VIPR2: variants seen among roughly 807,000 people sequenced by gnomAD.
VIPR2 encodes vasoactive intestinal polypeptide receptor 2.
A neutral mutation model predicts 58.0 loss-of-function variants in VIPR2; 48 were observed. The observed-to-expected ratio is 0.83, with a 90% CI of 0.66 to 1.05. The LOEUF (loss-of-function observed/expected upper bound fraction) is 1.05, where lower values mean the gene tolerates loss of function less well. VIPR2 is among the 50% of genes least tolerant of loss of function. The probability of loss-of-function intolerance (pLI) is 0.00; values close to 1 mark genes in which losing one functional copy is unlikely to be tolerated. For synonymous variants in VIPR2, 243 were observed against 235.2 expected (o/e 1.03, Z -0.30); for missense variants, 534 against 558.0 (o/e 0.96, Z 0.43).
At position 159,030,364 on chromosome 7, in the gene VIPR2, A is replaced by T. The variant is rs1454121586; in HGVS notation, c.*252T>A. The T allele has an allele frequency of 1.6e-5, 6 of 377,480 alleles. No individual in the cohort carries two copies. The highest frequency in any genetic ancestry group is 1.9e-5 in the Non-Finnish European group (4 of 215,122). The allele number at this position is 377,480 out of a possible 1,614,324, so 23.4% of individuals were successfully genotyped here. ...TCTCAAAAAAAAAAAAAAAAAAAAAAGTGGATCCACTATACGGCTGAAACA... is the reference window on the plus strand; with the variant it reads ...TCTCAAAAAAAAAAAAAAAAAAAAATGTGGATCCACTATACGGCTGAAACA... On this transcript the variant is annotated 3_prime_UTR_variant, in exon 13 of 13. Coordinates refer to ENST00000262178, the MANE Select transcript of VIPR2 (RefSeq NM_003382.5).
At chr7:159,043,219 G>T (rs1262647297) in intron 5 of VIPR2, 43 bp from the exon 6 acceptor site, 7 of 1,511,550 alleles carry the variant, frequency 4.6e-6, no homozygotes, top group Admixed American at 1.8e-5. Flanking sequence ...GAGGGGGAAG[G>T]GGAGGGAGGG....
At chr7:159,107,883 C>A (rs778741692) in intron 3 of VIPR2, among the ~76,000 whole-genome samples, 1 of 151,898 alleles carries the variant, frequency 6.6e-6, no homozygotes, top group Non-Finnish European at 1.5e-5. Context: ...GCCGGACACA[C>A]GTGATGATGC....
intron 4 of VIPR2, among the ~76,000 whole-genome samples, chr7:159,071,322 C>G (rs529480117): frequency 1.3e-5 from 2 of 152,234 alleles, no homozygotes; most frequent in East Asian, 3.8e-4. Flanking sequence ...CCAGAACCTT[C>G]CCCGGCTCAG....
chr7:159,084,379 G>A (rs967416028), intron 4 of VIPR2, among the ~76,000 whole-genome samples: 3 of 152,236 alleles, frequency 2.0e-5, no homozygotes, highest in East Asian at 3.8e-4. Flanking sequence ...GGGCAGTGCC[G>A]CCAGGTGAGA....
rs757327443 is a variant in VIPR2, at chr7:159,093,577, G to A, written c.357+10180C>T. 3.9e-5 allele frequency among the ~76,000 whole-genome samples: 6 copies of A among 152,226 alleles called. No individual in the cohort carries two copies. Among genetic ancestry groups the A allele is most frequent in the Admixed American group, 2.0e-4 (3 of 15,288 alleles). On this transcript the variant is annotated intron_variant, in intron 4 of 12. Coordinates refer to ENST00000262178, the MANE Select transcript of VIPR2 (RefSeq NM_003382.5). This position sits in a 1 kb window ranked among gnomAD's most constrained non-coding sequence, Gnocchi z 6.7. ...CCCTGGAGTCTGTCAGTGCAGAGCAGCGCTGGGCTCAGGATCCGAGATGGG... is the reference window on the plus strand; with the variant it reads ...CCCTGGAGTCTGTCAGTGCAGAGCAACGCTGGGCTCAGGATCCGAGATGGG...
chr7:159,131,714 T>C (rs1796921374), intron 2 of VIPR2, among the ~76,000 whole-genome samples: 1 of 152,212 alleles, frequency 6.6e-6, no homozygotes, highest in South Asian at 2.1e-4. Flanking sequence ...TTCATTGAAA[T>C]CCATGCCTAA....
Position 159,030,780 on chromosome 7 carries a change from C to A in VIPR2, c.1153G>T (p.Glu385Ter), listed in dbSNP as rs1165650942. The change falls in exon 13 of 13, where the codon GAG becomes TAG. Residue 385 changes from glutamate (E) to a stop codon, truncating the protein, a stop_gained. Coordinates refer to ENST00000262178, the MANE Select transcript of VIPR2 (RefSeq NM_003382.5). LOFTEE classifies it low-confidence loss of function (END_TRUNC). ...CGGCTTCGCCATTTTCGCTTCAGCTCGCACTGCACCTGGGAGGTGAGGGCA... is the reference window on the plus strand; with the variant it reads ...CGGCTTCGCCATTTTCGCTTCAGCTAGCACTGCACCTGGGAGGTGAGGGCA... Reference protein sequence around the residue: ...YCFLNSEVQCELKRKWRSRCP... With the variant: ...YCFLNSEVQC The A allele has an allele frequency of 1.3e-6, 2 of 1,591,646 alleles. No homozygotes were observed. Among genetic ancestry groups the A allele is most frequent in the East Asian group, 2.3e-5 (1 of 43,546 alleles).
Position 159,031,772 on chromosome 7 carries a change from CA to C in VIPR2, c.1143+55del. 6.2e-7 allele frequency: 1 copy of C among 1,612,830 alleles called. No individual in the cohort carries two copies. Among genetic ancestry groups the C allele is most frequent in the Non-Finnish European group, 8.5e-7 (1 of 1,179,872 alleles). ...GGGGCTGCGGCACCAGGCTGGGCAGCATCTCAGGAAGCAAGTGAGTACCTGT... is the reference window on the plus strand; with the variant it reads ...GGGGCTGCGGCACCAGGCTGGGCAGCTCTCAGGAAGCAAGTGAGTACCTGT... On this transcript the variant is annotated intron_variant, in intron 12 of 12. Coordinates refer to ENST00000262178, the MANE Select transcript of VIPR2 (RefSeq NM_003382.5). The surrounding 1 kb of genome is among the most constrained non-coding windows in gnomAD (Gnocchi z 4.0).
intron 5 of VIPR2, among the ~76,000 whole-genome samples, chr7:159,053,616 A>G (rs1443616494): frequency 6.6e-6 from 1 of 152,142 alleles, no homozygotes; most frequent in East Asian, 1.9e-4. Flanking sequence ...ATCACAGCTC[A>G]CTGCAGCCTC....
Position 159,034,983 on chromosome 7 carries a change from T to C in VIPR2, c.810-333A>G, listed in dbSNP as rs888618248. The stretch of plus-strand genomic sequence containing the variant: ...AATCAGGAGAAAAGAACCTTCCTCC[T>C]GAAAATTAGCTTCCCCTCACCTCCC... On this transcript the variant is annotated intron_variant, in intron 8 of 12. Coordinates refer to ENST00000262178, the MANE Select transcript of VIPR2 (RefSeq NM_003382.5). Among the ~76,000 whole-genome samples, 7 of 152,292 alleles carry C rather than the reference T, an allele frequency of 4.6e-5. No homozygotes were observed. In the South Asian group the frequency reaches 1.2e-3, roughly 27 times the overall value.
At chr7:159,063,046 C>T (rs1855804206) in intron 4 of VIPR2, among the ~76,000 whole-genome samples, 1 of 152,224 alleles carries the variant, frequency 6.6e-6, no homozygotes, top group Non-Finnish European at 1.5e-5. Flanking sequence ...AAAGGTTCCC[C>T]ACGTCCCCAC....
chr7:159,079,875 G>A (rs1238858302), intron 4 of VIPR2, among the ~76,000 whole-genome samples: 1 of 152,204 alleles, frequency 6.6e-6, no homozygotes, highest in Non-Finnish European at 1.5e-5. Context: ...AGAAGAAATG[G>A]ACAAATTCCT....
At chr7:159,032,683 G>A (rs1357424837) in intron 10 of VIPR2, among the ~76,000 whole-genome samples, 1 of 152,198 alleles carries the variant, frequency 6.6e-6, no homozygotes, top group Non-Finnish European at 1.5e-5. Context: ...GAGTTACACA[G>A]AAAGGACCTC....
At chr7:159,055,157 T>C (rs1259861580) in intron 5 of VIPR2, among the ~76,000 whole-genome samples, 2 of 152,204 alleles carry the variant, frequency 1.3e-5, no homozygotes, top group African/African-American at 4.8e-5. Context: ...GGTAACTCCA[T>C]GCAACATGGA....
chr7:159,102,932 T>A (rs1186572929), intron 4 of VIPR2, among the ~76,000 whole-genome samples: 2 of 152,192 alleles, frequency 1.3e-5, no homozygotes. Context: ...GTTGCTATGG[T>A]GCCCGCCACC....
chr7:159,108,041 G>A (rs982816145), intron 3 of VIPR2, among the ~76,000 whole-genome samples: 5 of 152,218 alleles, frequency 3.3e-5, no homozygotes, highest in African/African-American at 4.8e-5. Flanking sequence ...ATGATTCCAC[G>A]TGTGTTCTAT....
intron 6 of VIPR2, among the ~76,000 whole-genome samples, chr7:159,039,301 A>G (rs1419206726): frequency 6.7e-6 from 1 of 149,242 alleles, no homozygotes; most frequent in Non-Finnish European, 1.5e-5. Context: ...TCTACTAAAA[A>G]TACACACACA....
At chr7:159,056,557 C>CTGTA (rs1855338299) in intron 5 of VIPR2, among the ~76,000 whole-genome samples, 1 of 152,098 alleles carries the variant, frequency 6.6e-6, no homozygotes, top group Non-Finnish European at 1.5e-5. Context: ...AGGATGACTC[C>CTGTA]CCTACAAAGC....
At chr7:159,053,307 T>G (rs1855115385) in intron 5 of VIPR2, among the ~76,000 whole-genome samples, 1 of 152,108 alleles carries the variant, frequency 6.6e-6, no homozygotes, top group Non-Finnish European at 1.5e-5. Context: ...AGAAATGGAA[T>G]TTAACAAAAT....
Sources: allele counts gnomAD v4.1 joint callset (sites outside exome capture counted in the v4.1 genomes callset), GRCh38; gene constraint gnomAD v4.1.1; non-coding constraint Gnocchi (gnomAD v3.1); transcripts MANE v1.5; gene names NCBI Gene and HGNC (gene_info 2026-07-23, HGNC 2026-07-21).